Variants in SNTG1 observed in about 807,000 individuals in gnomAD.
SNTG1 encodes the protein gamma-1-syntrophin.
Under a neutral mutation model 74.7 loss-of-function variants are expected in SNTG1, and 39 were observed. The ratio of observed to expected loss-of-function variants is 0.52; its 90% CI spans 0.40 to 0.68. The LOEUF is 0.68. Among genes scored for constraint, SNTG1 ranks in the 30% least tolerant of loss-of-function variants. SNTG1 has a pLI of 0.00. For synonymous variants in SNTG1, 254 were observed against 217.1 expected, an observed-to-expected ratio of 1.17 and a Z score of -1.49; for missense variants, 685 against 609.5, an observed-to-expected ratio of 1.12 and a Z score of -1.30.
intron 1 of SNTG1, among the ~76,000 whole-genome samples, chr8:50,130,949 G>C (rs1348141495): frequency 6.6e-6 from 1 of 152,000 alleles, no homozygotes; most frequent in Non-Finnish European, 1.5e-5. Context: ...TTCATTGACT[G>C]TAAACTTGAA....
intron 1 of SNTG1, among the ~76,000 whole-genome samples, chr8:49,934,537 A>G (rs1186047527): frequency 6.6e-6 from 1 of 152,188 alleles, no homozygotes. Context: ...AAAGTGGAAG[A>G]GACCTCAGAG....
intron 1 of SNTG1, among the ~76,000 whole-genome samples, chr8:50,145,146 C>T (rs947108664): frequency 6.6e-6 from 1 of 152,046 alleles, no homozygotes; most frequent in South Asian, 2.1e-4. Flanking sequence ...GTGGCAGAGC[C>T]CTGGCCACCT....
At chr8:50,361,363 G>A (rs143004304) in intron 2 of SNTG1, among the ~76,000 whole-genome samples, 3 of 152,102 alleles carry the variant, frequency 2.0e-5, no homozygotes, top group African/African-American at 7.2e-5. Context: ...TCTTGAGGAG[G>A]AGTCACATTT....
intron 1 of SNTG1, among the ~76,000 whole-genome samples, chr8:50,120,881 G>A (rs1416173544): frequency 1.4e-5 from 2 of 142,008 alleles, no homozygotes; most frequent in South Asian, 5.2e-4. Flanking sequence ...TCATGTAGCC[G>A]TGGAATGAGT....
At chr8:50,610,536 C>T (rs1465054212) in intron 13 of SNTG1, among the ~76,000 whole-genome samples, 1 of 152,114 alleles carries the variant, frequency 6.6e-6, no homozygotes, top group Admixed American at 6.6e-5. Flanking sequence ...GACAATTTCC[C>T]CAGTAAGCAT....
At chr8:50,682,808 A>G (rs963831021) in intron 15 of SNTG1, among the ~76,000 whole-genome samples, 2 of 152,120 alleles carry the variant, frequency 1.3e-5, no homozygotes, top group East Asian at 3.9e-4. Context: ...ACTCAGACCA[A>G]TTCCACTGTT....
At chr8:50,284,204 A>C (rs578073306) in intron 2 of SNTG1, among the ~76,000 whole-genome samples, 1 of 152,248 alleles carries the variant, frequency 6.6e-6, no homozygotes, top group Non-Finnish European at 1.5e-5. Flanking sequence ...ATGAATAGAT[A>C]AACATATTCT....
intron 1 of SNTG1, chr8:50,011,978 A>C (rs1334815016): frequency 6.6e-6 from 1 of 152,198 alleles, no homozygotes; most frequent in Non-Finnish European, 1.5e-5. Flanking sequence ...ATTTGGAAAC[A>C]TCCCATGGCC....
At chr8:50,448,823 A>G (rs888078720) in intron 5 of SNTG1, among the ~76,000 whole-genome samples, 2 of 152,120 alleles carry the variant, frequency 1.3e-5, no homozygotes, top group Non-Finnish European at 2.9e-5. Context: ...TCACGAGGTC[A>G]GGAGATGGAA....
intron 17 of SNTG1, among the ~76,000 whole-genome samples, chr8:50,742,250 T>C (rs2095545167): frequency 6.6e-6 from 1 of 152,010 alleles, no homozygotes; most frequent in Non-Finnish European, 1.5e-5. Flanking sequence ...TGGGACATTC[T>C]TCAGATTAGA....
chr8:50,249,071 C>T (rs1183943437), intron 2 of SNTG1, among the ~76,000 whole-genome samples: 1 of 152,020 alleles, frequency 6.6e-6, no homozygotes, highest in Non-Finnish European at 1.5e-5. Flanking sequence ...CCTACTAGAT[C>T]AGATCACAGA....
intron 8 of SNTG1, among the ~76,000 whole-genome samples, chr8:50,464,836 AATAAT>A (rs1395146565): frequency 1.3e-5 from 2 of 152,158 alleles, no homozygotes; most frequent in African/African-American, 4.8e-5. Flanking sequence ...GTATCTGTTA[AATAAT>A]ATCTGAAAAA....
At chr8:50,215,822 TCA>T (rs1478772074) in intron 2 of SNTG1, among the ~76,000 whole-genome samples, 1 of 152,102 alleles carries the variant, frequency 6.6e-6, no homozygotes, top group East Asian at 1.9e-4. Flanking sequence ...AGCTAACTCT[TCA>T]CATGGCATCT....
intron 1 of SNTG1, among the ~76,000 whole-genome samples, chr8:49,958,949 A>G (rs764117037): frequency 2.0e-5 from 3 of 152,234 alleles, no homozygotes; most frequent in Non-Finnish European, 2.9e-5. Flanking sequence ...CTTGTGTTTG[A>G]AAGTGTGCTT....
In SNTG1 at chr8:49,927,430, A is replaced by G. The variant is rs562410594; in HGVS notation, c.-103+15199A>G. ...TACTAAAATAAATGAGTTAAAATAAATGAGTTATTAAGCCATGTAAAGACA... is the reference window on the plus strand; with the variant it reads ...TACTAAAATAAATGAGTTAAAATAAGTGAGTTATTAAGCCATGTAAAGACA... On this transcript the variant is annotated intron_variant, in intron 1 of 18. Coordinates refer to ENST00000642720, the MANE Select transcript of SNTG1 (RefSeq NM_018967.5). Among the ~76,000 whole-genome samples, 3 of 152,316 alleles carry G rather than the reference A, an allele frequency of 2.0e-5. No individual in the cohort carries two copies. In the East Asian group the frequency reaches 5.8e-4, roughly 29 times the overall value.
intron 1 of SNTG1, among the ~76,000 whole-genome samples, chr8:50,056,079 G>C (rs1203199160): frequency 1.3e-5 from 2 of 152,008 alleles, no homozygotes; most frequent in African/African-American, 4.8e-5. Flanking sequence ...GATTGGATTT[G>C]AAAATAGCCT....
chr8:50,467,986 T>C lies in SNTG1; in HGVS notation c.363+17257T>C, dbSNP rs892393577. Among the ~76,000 whole-genome samples the C allele has an allele frequency of 2.3e-4, 35 of 150,290 alleles. No homozygotes were observed. In the Admixed American group the frequency reaches 2.4e-3, roughly 10 times the overall value. On this transcript the variant is annotated intron_variant, in intron 8 of 18. Coordinates refer to ENST00000642720, the MANE Select transcript of SNTG1 (RefSeq NM_018967.5). ...GATTTTTATTTTAAATTCTTCATTG[T>C]CTGGGAACGTATTTGTATAATAAAT...
At chr8:50,536,541 T>G (rs1475493816) in intron 10 of SNTG1, 137 bp from the exon 11 acceptor site, 1 of 1,028,296 alleles carries the variant, frequency 9.7e-7, no homozygotes. Flanking sequence ...TAATTTGGAC[T>G]TCTTCTCATG....
chr8:50,770,350 A>G (rs1228142865), intron 18 of SNTG1, among the ~76,000 whole-genome samples: 1 of 152,134 alleles, frequency 6.6e-6, no homozygotes, highest in African/African-American at 2.4e-5. Flanking sequence ...GCATTTATTA[A>G]AAACAAAACA....
Sources: allele counts gnomAD v4.1 joint callset (sites outside exome capture counted in the v4.1 genomes callset), GRCh38; gene constraint gnomAD v4.1.1; transcripts MANE v1.5; gene names NCBI Gene and HGNC (gene_info 2026-07-23, HGNC 2026-07-21).